Variants in SCHIP1 observed in about 807,000 individuals in gnomAD.
SCHIP1 encodes the protein schwannomin interacting protein 1.
SCHIP1 carries 8 observed loss-of-function variants against 29.7 expected under a neutral mutation model. The ratio of observed to expected loss-of-function variants is 0.27; its 90% confidence interval spans 0.16 to 0.49. The LOEUF is 0.49. Among genes scored for constraint, SCHIP1 ranks in the 20% least tolerant of loss-of-function variants. The pLI is 0.99. For missense variants in SCHIP1, 193 were observed against 294.6 expected, an observed-to-expected ratio of 0.66 and a Z score of 2.52; for synonymous variants, 76 against 94.9, an observed-to-expected ratio of 0.80 and a Z score of 1.16.
the SCHIP1 span, among the ~76,000 whole-genome samples, chr3:159,554,075 T>A: frequency 6.6e-6 from 1 of 151,270 alleles, no homozygotes; most frequent in Non-Finnish European, 1.5e-5. Flanking sequence ...TGCCACCGTG[T>A]TAGCCGGGGT....
At chr3:159,509,397 C>G in the SCHIP1 span, among the ~76,000 whole-genome samples, 1 of 152,178 alleles carries the variant, frequency 6.6e-6, no homozygotes, top group Non-Finnish European at 1.5e-5. Context: ...ATAGAGCACA[C>G]TGATGGATCT....
At chr3:159,383,428 C>T in the SCHIP1 span, among the ~76,000 whole-genome samples, 4 of 151,466 alleles carry the variant, frequency 2.6e-5, no homozygotes, top group Admixed American at 6.6e-5. Flanking sequence ...AGATATGCGG[C>T]GTTATTTCTG....
chr3:159,582,787 T>TACACACACAC, the SCHIP1 span, among the ~76,000 whole-genome samples: 242 of 144,214 alleles, frequency 1.7e-3, 4 homozygotes, highest in East Asian at 0.018. Context: ...AATATATATA[T>TACACACACAC]ACACACACAC....
chr3:159,288,983 TTCA>T, the SCHIP1 span, among the ~76,000 whole-genome samples: 1 of 152,226 alleles, frequency 6.6e-6, no homozygotes, highest in Admixed American at 6.5e-5. Context: ...AATGCTGGAA[TTCA>T]TTCTTCTTTC....
chr3:159,376,209 T>G, the SCHIP1 span, among the ~76,000 whole-genome samples: 2 of 152,160 alleles, frequency 1.3e-5, no homozygotes, highest in African/African-American at 2.4e-5. Flanking sequence ...TGTAATTCAC[T>G]AATTATTTAT....
At chr3:159,508,168 T>C in the SCHIP1 span, among the ~76,000 whole-genome samples, 1 of 152,306 alleles carries the variant, frequency 6.6e-6, no homozygotes, top group East Asian at 1.9e-4. Context: ...TAATCAGAGA[T>C]TCAACTTCTT....
At chr3:159,795,515 C>T in the SCHIP1 span, among the ~76,000 whole-genome samples, 2 of 152,192 alleles carry the variant, frequency 1.3e-5, no homozygotes, top group African/African-American at 2.4e-5. Context: ...CAAGACATCA[C>T]GGCCAGTAAG....
chr3:159,572,584 G>A, the SCHIP1 span, among the ~76,000 whole-genome samples: 1 of 152,192 alleles, frequency 6.6e-6, no homozygotes, highest in Non-Finnish European at 1.5e-5. Flanking sequence ...TGAGAAGAAT[G>A]TATATTCTGT....
chr3:159,424,648 C>G, the SCHIP1 span, among the ~76,000 whole-genome samples: 2 of 152,304 alleles, frequency 1.3e-5, no homozygotes, highest in South Asian at 4.1e-4. Context: ...CTTCCCCAAT[C>G]TAGCAAGGCA....
chr3:159,547,458 C>T, the SCHIP1 span, among the ~76,000 whole-genome samples: 5 of 152,114 alleles, frequency 3.3e-5, no homozygotes, highest in Non-Finnish European at 5.9e-5. Flanking sequence ...GTTGTACTTG[C>T]TTTTGGTGTT....
At chr3:159,329,992 A>G in the SCHIP1 span, among the ~76,000 whole-genome samples, 1 of 152,214 alleles carries the variant, frequency 6.6e-6, no homozygotes, top group Non-Finnish European at 1.5e-5. Flanking sequence ...AACACTGAAA[A>G]ACTAATTGTC....
chr3:159,837,580 G>A (rs991581704), upstream of SCHIP1, among the ~76,000 whole-genome samples: 2 of 152,076 alleles, frequency 1.3e-5, no homozygotes, highest in Admixed American at 6.5e-5. Context: ...AAAATTAGCC[G>A]GGCGTGGTGG....
the SCHIP1 span, among the ~76,000 whole-genome samples, chr3:159,350,471 A>G: frequency 6.6e-6 from 1 of 152,326 alleles, no homozygotes; most frequent in African/African-American, 2.4e-5. Context: ...GCTGAAAATC[A>G]CCAGAAAATA....
chr3:159,495,722 A>G, the SCHIP1 span, among the ~76,000 whole-genome samples: 2 of 152,218 alleles, frequency 1.3e-5, no homozygotes, highest in Non-Finnish European at 1.5e-5. Flanking sequence ...CTATCAAGCT[A>G]CCAATGACTT....
At chr3:159,620,861 T>A in the SCHIP1 span, among the ~76,000 whole-genome samples, 214 of 152,366 alleles carry the variant, frequency 1.4e-3, no homozygotes, top group African/African-American at 1.9e-3. Context: ...AGGCTTTTTT[T>A]AAAAATTGTT....
the SCHIP1 span, among the ~76,000 whole-genome samples, chr3:159,497,115 G>A: frequency 1.3e-5 from 2 of 151,358 alleles, no homozygotes; most frequent in African/African-American, 2.4e-5. Context: ...TGGGGTTGGG[G>A]GAGGGATAGC....
chr3:159,814,484 T>C, the SCHIP1 span, among the ~76,000 whole-genome samples: 1 of 152,248 alleles, frequency 6.6e-6, no homozygotes, highest in Non-Finnish European at 1.5e-5. Flanking sequence ...CTCGCGGGTA[T>C]AGCAGAGAGT....
At chr3:159,594,168 A>AG in the SCHIP1 span, among the ~76,000 whole-genome samples, 1 of 152,228 alleles carries the variant, frequency 6.6e-6, no homozygotes, top group Non-Finnish European at 1.5e-5. Context: ...TCAATTCACT[A>AG]GCTTCCTGTG....
the SCHIP1 span, among the ~76,000 whole-genome samples, chr3:159,719,790 T>C: frequency 6.6e-6 from 1 of 152,242 alleles, no homozygotes; most frequent in Non-Finnish European, 1.5e-5. Flanking sequence ...TTGGTGGAAC[T>C]GTAAACTAGT....
Sources: gnomAD v4.1 joint callset for allele counts (sites outside exome capture counted in the v4.1 genomes callset) on GRCh38, gnomAD v4.1.1 for gene constraint, MANE v1.5 for transcripts, NCBI Gene and HGNC (gene_info 2026-07-23, HGNC 2026-07-21) for gene names.